Variants in SEMA4D observed in about 807,000 individuals in gnomAD.
SEMA4D encodes semaphorin 4D.
SEMA4D carries 22 observed loss-of-function variants against 74.8 expected under a neutral mutation model. That is an observed-to-expected ratio of 0.29 (90% confidence interval 0.21 to 0.42). The LOEUF is 0.42. SEMA4D is among the 10% of genes least tolerant of loss of function. SEMA4D has a pLI of 1.00. For synonymous variants in SEMA4D, 445 were observed against 463.7 expected, an observed-to-expected ratio of 0.96 and a Z score of 0.52; for missense variants, 937 against 1,118.4, an observed-to-expected ratio of 0.84 and a Z score of 2.31.
At chr9:89,424,075 C>T (rs1691047387) in intron 2 of SEMA4D, among the ~76,000 whole-genome samples, 1 of 151,364 alleles carries the variant, frequency 6.6e-6, no homozygotes, top group South Asian at 2.1e-4. Context: ...CTCAGCTACT[C>T]CCTCAGTACT....
chr9:89,397,440 A>C (rs1841231060), intron 5 of SEMA4D, among the ~76,000 whole-genome samples: 1 of 152,182 alleles, frequency 6.6e-6, no homozygotes. Context: ...GTCCCAGTCC[A>C]GCCCCCATGG....
intron 13 of SEMA4D, chr9:89,384,839 C>T (rs1386552953): frequency 5.1e-6 from 5 of 985,294 alleles, no homozygotes; most frequent in African/African-American, 1.7e-5. Context: ...ACTGAACAGC[C>T]ACTTCCTGCT....
chr9:89,417,817 G>T (rs1180216450), intron 2 of SEMA4D, among the ~76,000 whole-genome samples: 1 of 152,198 alleles, frequency 6.6e-6, no homozygotes, highest in Non-Finnish European at 1.5e-5. Flanking sequence ...GGAAGAATAG[G>T]GGGAGCTGGG....
chr9:89,388,739 T>A lies in SEMA4D; in HGVS notation c.1004A>T (p.Glu335Val), dbSNP rs1395883452. 6.2e-7 allele frequency: 1 copy of A among 1,611,186 alleles called. No homozygotes were observed. The highest frequency in any genetic ancestry group is 1.7e-5 in the Admixed American group (1 of 59,732). Residue 335 changes from glutamate to valine, a missense_variant, in exon 11 of 16, where the codon GAG becomes GTG. Glu to Val is a moderately radical substitution (Grantham distance 121, BLOSUM62 -2). Coordinates refer to ENST00000422704, the MANE Select transcript of SEMA4D (RefSeq NM_001371194.2). Reference protein sequence around the residue: ...VCAYNLSTAEEVFSHGKYMQS... With the variant: ...VCAYNLSTAEVVFSHGKYMQS... The stretch of plus-strand genomic sequence containing the variant: ...CATGTACTTCCCGTGGGAGAAGACC[T>A]CCTCGGCTGTGGACAGGTTGTAGGC...
At chr9:89,466,215 A>G (rs559557713) in intron 1 of SEMA4D, among the ~76,000 whole-genome samples, 1 of 152,300 alleles carries the variant, frequency 6.6e-6, no homozygotes, top group South Asian at 2.1e-4. Flanking sequence ...GAAATGCTCA[A>G]TGACACACAC....
At chr9:89,369,439 T>C (rs910742022) in intron 16 of SEMA4D, 1 of 152,226 alleles carries the variant, frequency 6.6e-6, no homozygotes, top group South Asian at 2.1e-4. Flanking sequence ...GGGTCTAAAC[T>C]TGACATGGAA....
Position 89,413,607 on chromosome 9 carries a change from G to T in SEMA4D, c.-243-7908C>A, listed in dbSNP as rs142791062. 7.4e-3 allele frequency among the ~76,000 whole-genome samples: 1,121 copies of T among 152,352 alleles called. 14 individuals are homozygous for T. Among genetic ancestry groups the T allele is most frequent in the African/African-American group, 0.025 (1,027 of 41,560 alleles). On this transcript the variant is annotated intron_variant, in intron 2 of 15. Coordinates refer to ENST00000422704, the MANE Select transcript of SEMA4D (RefSeq NM_001371194.2). ...TGTACATGTGTATGTCTGCATGTCT[G>T]CACATGCATGTGTATGTCTGTGTGC...
intron 2 of SEMA4D, among the ~76,000 whole-genome samples, chr9:89,414,755 G>C (rs868445467): frequency 6.6e-6 from 1 of 152,168 alleles, no homozygotes; most frequent in African/African-American, 2.4e-5. Context: ...GCTCTGCAGG[G>C]ACATGCCTAG....
chr9:89,438,886 C>G (rs1030542785), intron 2 of SEMA4D, among the ~76,000 whole-genome samples: 2 of 145,030 alleles, frequency 1.4e-5, no homozygotes, highest in African/African-American at 5.1e-5. Context: ...AGGATGGTCT[C>G]AGTCTCCTGA....
intron 2 of SEMA4D, among the ~76,000 whole-genome samples, chr9:89,423,957 A>C (rs1346905210): frequency 1.4e-3 from 88 of 61,406 alleles, no homozygotes; most frequent in Admixed American, 2.8e-3. Flanking sequence ...CAGCACCTCC[A>C]CTCCCTCAGC....
At chr9:89,425,665 C>T (rs1348894654) in intron 2 of SEMA4D, among the ~76,000 whole-genome samples, 2 of 152,246 alleles carry the variant, frequency 1.3e-5, no homozygotes, top group African/African-American at 4.8e-5. Context: ...AAGCCTGACC[C>T]TGTGGCCCCA....
At chr9:89,363,915 C>T in exon 17 of SEMA4D, 1 of 1,614,112 alleles carries the variant, frequency 6.2e-7, no homozygotes, top group East Asian at 2.2e-5. Context: ...AGAGCTCGCC[C>T]ATTCTTCTCC....
chr9:89,393,356 C>T lies in SEMA4D; in HGVS notation c.508+206G>A, dbSNP rs549654545. Among the ~76,000 whole-genome samples, 8 of 152,324 alleles carry T rather than the reference C, an allele frequency of 5.3e-5. No individual in the cohort carries two copies. The South Asian group carries it at 6.2e-4, about 12-fold the overall frequency. On this transcript the variant is annotated intron_variant, in intron 7 of 15. Coordinates refer to ENST00000422704, the MANE Select transcript of SEMA4D (RefSeq NM_001371194.2). ...TGAGCCAGCAATGGATACAAAGTGA[C>T]GTTTACCATGGCGGCTATTATCCTT...
intron 1 of SEMA4D, among the ~76,000 whole-genome samples, chr9:89,477,520 T>C (rs1862071147): frequency 6.6e-6 from 1 of 152,104 alleles, no homozygotes; most frequent in Non-Finnish European, 1.5e-5. Context: ...AGGGCACACA[T>C]GGCTTCGTAG....
At chr9:89,376,371 ATTTTTT>A (rs111835397), downstream of SEMA4D, 1 of 146,806 alleles carries the variant, frequency 6.8e-6, no homozygotes, top group African/African-American at 2.5e-5. Context: ...GTCTCTTGAA[ATTTTTT>A]TTTTTTTTAA....
chr9:89,373,532 G>A (rs1835395852), downstream of SEMA4D, among the ~76,000 whole-genome samples: 1 of 152,182 alleles, frequency 6.6e-6, no homozygotes, highest in African/African-American at 2.4e-5. Context: ...TCACCCAGCA[G>A]AGCTACAGGC....
chr9:89,377,349 C>A lies in SEMA4D; in HGVS notation c.*1355G>T. 3.5e-6 allele frequency: 1 copy of A among 289,464 alleles called. No homozygotes were observed. The highest frequency in any genetic ancestry group is 6.4e-6 in the Non-Finnish European group (1 of 157,388). The allele number at this position is 289,464 out of a possible 1,614,324, so 17.9% of individuals were successfully genotyped here. On this transcript the variant is annotated 3_prime_UTR_variant, in exon 16 of 16. Coordinates refer to ENST00000422704, the MANE Select transcript of SEMA4D (RefSeq NM_001371194.2). Reference sequence around the variant, plus strand: ...ACACAAATGTTTACACCAAAATGGTCAAATCCTATCATGCTGGAAGATAAG... The same window carrying A: ...ACACAAATGTTTACACCAAAATGGTAAAATCCTATCATGCTGGAAGATAAG...
intron 13 of SEMA4D, among the ~76,000 whole-genome samples, chr9:89,382,478 C>T (rs1166635052): frequency 1.1e-4 from 17 of 152,212 alleles, no homozygotes; most frequent in Non-Finnish European, 1.6e-4. Flanking sequence ...CCAGGCCACA[C>T]ATCCAGCTGT....
intron 2 of SEMA4D, among the ~76,000 whole-genome samples, chr9:89,438,963 C>A (rs1270694371): frequency 2.6e-5 from 3 of 117,546 alleles, no homozygotes; most frequent in African/African-American, 3.3e-5. Flanking sequence ...CCGCACCGGG[C>A]CTTTTTTTTT....
Sources: gnomAD v4.1 joint callset for allele counts (sites outside exome capture counted in the v4.1 genomes callset) on GRCh38, gnomAD v4.1.1 for gene constraint, MANE v1.5 for transcripts, NCBI Gene and HGNC (gene_info 2026-07-23, HGNC 2026-07-21) for gene names.